Variants in STRA6 observed in about 807,000 individuals in gnomAD.
STRA6 encodes receptor for retinol uptake STRA6.
STRA6 carries 48 observed loss-of-function variants against 83.6 expected under a neutral mutation model. The observed-to-expected ratio is 0.57, with a 90% CI of 0.46 to 0.73. The LOEUF is 0.73. Among genes scored for constraint, STRA6 ranks in the 30% least tolerant of loss-of-function variants. The pLI, the probability that STRA6 is intolerant of heterozygous loss-of-function variation, is 0.00. For missense variants in STRA6, 760 were observed against 838.8 expected (o/e 0.91, Z 1.16); for synonymous variants, 353 against 362.3 (o/e 0.97, Z 0.29).
intron 16 of STRA6, among the ~76,000 whole-genome samples, chr15:74,181,952 G>GC (rs2073014385): frequency 6.6e-6 from 1 of 152,208 alleles, no homozygotes; most frequent in Non-Finnish European, 1.5e-5. Flanking sequence ...GGTACTTCCA[G>GC]CCCCATGCCG....
intron 15 of STRA6, 25 bp from the exon 16 acceptor site, chr15:74,182,287 C>T (rs576434418): frequency 1.9e-5 from 31 of 1,613,974 alleles, no homozygotes; most frequent in South Asian, 1.3e-4. Context: ...GGGAGGTGGT[C>T]GCTGTTAGCG....
Position 74,202,150 on chromosome 15 carries a change from C to T in STRA6, c.113+5G>A. ...CAGAGTGAGGTGGGGTGGTTCCACA[C>T]TTACCCCTCTGGCTGGAGCTCCTCG... is the stretch of plus-strand genomic sequence containing the variant. On this transcript the variant is annotated splice_donor_5th_base_variant and intron_variant, in intron 2 of 18. Transcript: ENST00000395105. 1 of 1,499,768 alleles carries T rather than the reference C, an allele frequency of 6.7e-7. No individual in the cohort carries two copies. The highest frequency in any genetic ancestry group is 2.3e-5 in the Admixed American group (1 of 42,768). The allele number at this position is 1,499,768 out of a possible 1,614,324, so 92.9% of individuals were successfully genotyped here. A position where few individuals can be genotyped will look rare whatever the true frequency, so the allele number is the denominator to read the frequency against.
At chr15:74,185,784 C>T (rs1274686187) in intron 12 of STRA6, among the ~76,000 whole-genome samples, 1 of 152,260 alleles carries the variant, frequency 6.6e-6, no homozygotes, top group East Asian at 1.9e-4. Context: ...GAACTGTTCC[C>T]ACTGGGCTGA....
chr15:74,182,559 C>G lies in STRA6; in HGVS notation c.1301-99G>C, dbSNP rs974010390. On this transcript the variant is annotated intron_variant, in intron 14 of 18. Coordinates refer to ENST00000395105, the MANE Select transcript of STRA6 (RefSeq NM_022369.4). ...ACCAAGGGCTTTGGGATTGGGCAGG[C>G]CTGGTTTTAGATCTCTGCTCTGCCA... 31 of 1,002,546 alleles carry G rather than the reference C, an allele frequency of 3.1e-5. No individual in the cohort carries two copies. In the Admixed American group the frequency reaches 3.8e-4, roughly 12 times the overall value. The allele number at this position is 1,002,546 out of a possible 1,614,324, so 62.1% of individuals were successfully genotyped here. A position where few individuals can be genotyped will look rare whatever the true frequency, so the allele number is the denominator to read the frequency against.
At chr15:74,192,970 T>TCC (rs1453929474) in intron 8 of STRA6, among the ~76,000 whole-genome samples, 2 of 152,120 alleles carry the variant, frequency 1.3e-5, no homozygotes, top group Non-Finnish European at 2.9e-5. Flanking sequence ...GTCCATCAGC[T>TCC]CCAAGTCCAC....
intron 12 of STRA6, among the ~76,000 whole-genome samples, chr15:74,186,664 G>A (rs2142013874): frequency 6.6e-6 from 1 of 152,278 alleles, no homozygotes; most frequent in Middle Eastern, 3.4e-3. Context: ...CCAGCTACTC[G>A]GGAGGCTGAA....
chr15:74,207,616 G>A (rs998508426), upstream of STRA6: 66 of 1,336,470 alleles, frequency 4.9e-5, no homozygotes, highest in Admixed American at 7.5e-4. Context: ...CAAACCTCAG[G>A]TACACCCCCA....
chr15:74,195,853 G>A (rs1345129536), intron 5 of STRA6, among the ~76,000 whole-genome samples, 155 bp downstream of exon 5: 2 of 152,150 alleles, frequency 1.3e-5, no homozygotes, highest in African/African-American at 4.8e-5. Flanking sequence ...TGTAAAGACT[G>A]GATGGTCTAA....
chr15:74,200,879 T>C lies in STRA6; in HGVS notation c.113+1276A>G, dbSNP rs548347351. Among the ~76,000 whole-genome samples the C allele has an allele frequency of 3.3e-5, 5 of 152,268 alleles. No individual in the cohort carries two copies. In the South Asian group the frequency reaches 8.3e-4, roughly 25 times the overall value. On this transcript the variant is annotated intron_variant, in intron 2 of 18. Coordinates refer to ENST00000395105, the MANE Select transcript of STRA6 (RefSeq NM_022369.4). ...ACAACAGCTATAGACCACAGCTACA[T>C]TTACAGGCACCTGGCCCCCAGCCAG...
chr15:74,198,803 C>A (rs925092097), intron 2 of STRA6, among the ~76,000 whole-genome samples: 3 of 152,224 alleles, frequency 2.0e-5, no homozygotes, highest in African/African-American at 7.2e-5. Flanking sequence ...ACAGAGGCTC[C>A]CTATGGCCTG....
At chr15:74,186,811 G>C (rs72747607) in intron 12 of STRA6, among the ~76,000 whole-genome samples, 1 of 152,294 alleles carries the variant, frequency 6.6e-6, no homozygotes, top group Non-Finnish European at 1.5e-5. Context: ...TTCACTCAAA[G>C]AGGCTGGGCC....
chr15:74,197,259 C>A, intron 4 of STRA6, 79 bp downstream of exon 4: 1 of 1,071,292 alleles, frequency 9.3e-7, no homozygotes, highest in African/African-American at 1.6e-5. Context: ...TTTTAGGTAC[C>A]TAACAAATCA....
At chr15:74,211,705 C>T (rs1220187906), upstream of STRA6, among the ~76,000 whole-genome samples, 1 of 151,702 alleles carries the variant, frequency 6.6e-6, no homozygotes, top group African/African-American at 2.4e-5. Context: ...TGCTCAGCCC[C>T]TTTCTCTCTT....
chr15:74,180,069 C>T lies in STRA6; in HGVS notation c.*11G>A. ...AGCACAGATGGGCAGGTGGGTTGAC[C>T]TTCCCTGCCCTCAGGGCTGGGCACC... On this transcript the variant is annotated 3_prime_UTR_variant, in exon 19 of 19. Transcript: ENST00000395105. The T allele has an allele frequency of 6.2e-7, 1 of 1,610,666 alleles. No individual in the cohort carries two copies. Among genetic ancestry groups the T allele is most frequent in the South Asian group, 1.1e-5 (1 of 90,960 alleles).
Position 74,202,368 on chromosome 15 carries a change from A to C in STRA6, c.-15-86T>G, listed in dbSNP as rs1255289239. ...GAAAAAAAAAGAAAGAAAGACGGAA[A>C]ACCCAAACAAAGAAACATTTCTCTT... On this transcript the variant is annotated intron_variant, in intron 1 of 18. Transcript: ENST00000395105. 11 of 1,548,712 alleles carry C rather than the reference A, an allele frequency of 7.1e-6. No individual in the cohort carries two copies. The East Asian group carries it at 2.4e-4, about 33-fold the overall frequency.
intron 16 of STRA6, 43 bp from the exon 17 acceptor site, chr15:74,181,501 C>T (rs2072987537): frequency 6.2e-7 from 1 of 1,605,838 alleles, no homozygotes; most frequent in Non-Finnish European, 8.5e-7. Context: ...TTCCCCAGAG[C>T]TCCCTCCCCA....
intron 2 of STRA6, among the ~76,000 whole-genome samples, chr15:74,201,411 A>C (rs893022420): frequency 1.3e-5 from 2 of 152,134 alleles, no homozygotes; most frequent in Non-Finnish European, 2.9e-5. Flanking sequence ...TGGGTCCTAC[A>C]CAGGCAAGAC....
At chr15:74,208,138 C>T (rs1336590378) in intron 1 of STRA6, 1 of 937,114 alleles carries the variant, frequency 1.1e-6, no homozygotes, top group Non-Finnish European at 1.4e-6. Flanking sequence ...AGGGGAGCAG[C>T]ATGTTCTTTC....
At chr15:74,199,346 A>C (rs1451407141) in intron 2 of STRA6, among the ~76,000 whole-genome samples, 1 of 152,074 alleles carries the variant, frequency 6.6e-6, no homozygotes, top group Non-Finnish European at 1.5e-5. Flanking sequence ...AGCTCTGGGC[A>C]GCTTCTTGGC....
Sources: gnomAD v4.1 joint callset for allele counts (sites outside exome capture counted in the v4.1 genomes callset) on GRCh38, gnomAD v4.1.1 for gene constraint, MANE v1.5 for transcripts, NCBI Gene and HGNC (gene_info 2026-07-23, HGNC 2026-07-21) for gene names.